The following DMXL1 variants were observed in gnomAD, a reference collection of about 807,000 sequenced individuals.
The protein encoded by DMXL1 is Dmx like 1.
Under a neutral mutation model 319.2 loss-of-function variants are expected in DMXL1, and 99 were observed. The ratio of observed to expected loss-of-function variants is 0.31; its 90% CI spans 0.26 to 0.37. The LOEUF (loss-of-function observed/expected upper bound fraction) is 0.37, where lower values mean the gene tolerates loss of function less well. DMXL1 is among the 10% of genes least tolerant of loss of function. The pLI is 1.00. For synonymous variants in DMXL1, 1,385 were observed against 1,235.2 expected (o/e 1.12, Z -2.54); for missense variants, 3,745 against 3,595.6 (o/e 1.04, Z -1.06).
At position 119,220,473 on chromosome 5, in the gene DMXL1, C is replaced by G. The variant is rs751679196; in HGVS notation, c.8015C>G (p.Ala2672Gly). The change falls in exon 36 of 44, where the codon GCA becomes GGA. Residue 2672 changes from alanine (A) to glycine (G), a missense_variant and splice_region_variant. By Grantham distance (60) the Ala-to-Gly change is moderately conservative. Coordinates refer to ENST00000539542, the MANE Select transcript of DMXL1 (RefSeq NM_001290321.3). ...ATTACCATTTGACTTATTTTTCAGG[C>G]AAATAGAAACTGCATAGCAATCGCT... ...DIITAFAVNK[A>G]NRNCIAIASS... 2 of 1,611,924 alleles carry G rather than the reference C, an allele frequency of 1.2e-6. No individual in the cohort carries two copies. The highest frequency in any genetic ancestry group is 1.7e-5 in the Admixed American group (1 of 59,514).
At position 119,082,259 on chromosome 5, in the gene DMXL1, G is replaced by A. The variant is rs149157597; in HGVS notation, c.87+10603G>A. 4.8e-3 allele frequency among the ~76,000 whole-genome samples: 736 copies of A among 152,004 alleles called. 10 individuals carry two copies. The highest frequency in any genetic ancestry group is 0.017 in the African/African-American group (705 of 41,464). ...CTTGAGTAGCTGGGACTACAGACAT[G>A]TGCCACCATGCCTGGCTTATTTTAT... On this transcript the variant is annotated intron_variant, in intron 1 of 43. Transcript: ENST00000539542.
Position 119,193,909 on chromosome 5 carries a change from G to T in DMXL1, c.7396G>T (p.Asp2466Tyr). Reference sequence around the variant, plus strand: ...AAGTGATGATGATGACAATGATGATGATGATGATGTTTTAGCATCAGATTT... The same window carrying T: ...AAGTGATGATGATGACAATGATGATTATGATGATGTTTTAGCATCAGATTT... ...LGSDDDDNDD[D>Y]DDVLASDFHL... Residue 2466 changes from aspartate to tyrosine, a missense_variant, in exon 30 of 44, where the codon GAT becomes TAT. Asp to Tyr is a radical substitution (Grantham distance 160). Coordinates refer to ENST00000539542, the MANE Select transcript of DMXL1 (RefSeq NM_001290321.3). 6.2e-7 allele frequency: 1 copy of T among 1,612,300 alleles called. No homozygotes were observed. The highest frequency in any genetic ancestry group is 8.5e-7 in the Non-Finnish European group (1 of 1,179,024).
At position 119,135,901 on chromosome 5, in the gene DMXL1, G is replaced by GGATCCTTATACCA. The variant is rs1485926318; in HGVS notation, c.2376+1513_2376+1514insATCCTTATACCAG. Among the ~76,000 whole-genome samples, 13 of 152,162 alleles carry GGATCCTTATACCA rather than the reference G, an allele frequency of 8.5e-5. No homozygotes were observed. The East Asian group carries it at 2.3e-3, about 27-fold the overall frequency. On this transcript the variant is annotated intron_variant, in intron 13 of 43. Transcript: ENST00000539542. The stretch of plus-strand genomic sequence containing the variant: ...CTACAGATAATTGGTACCAGGAGTG[G>GGATCCTTATACCA]GGCACTGCTATAAGGATAACCCAAA...
intron 6 of DMXL1, among the ~76,000 whole-genome samples, chr5:119,115,611 A>G (rs972148427): frequency 6.6e-6 from 1 of 152,204 alleles, no homozygotes; most frequent in African/African-American, 2.4e-5. Context: ...GCTTAAAAGC[A>G]GTACCTGGTA....
At chr5:119,125,544 G>GTA (rs900602336) in intron 9 of DMXL1, among the ~76,000 whole-genome samples, 17 of 151,864 alleles carry the variant, frequency 1.1e-4, no homozygotes, top group African/African-American at 2.4e-4. Flanking sequence ...TTTTGTGTGT[G>GTA]TATATATATA....
chr5:119,228,669 T>C (rs1278774365), intron 38 of DMXL1, among the ~76,000 whole-genome samples: 3 of 152,190 alleles, frequency 2.0e-5, no homozygotes, highest in Non-Finnish European at 4.4e-5. Flanking sequence ...TTTTGAGATA[T>C]TGCAAGGGCC....
rs1769475946 is a variant in DMXL1 at position 119,150,273 on chromosome 5, A to G, written c.4446A>G (p.Gly1482=). The G allele has an allele frequency of 6.2e-7, 1 of 1,613,746 alleles. No homozygotes were observed. Among genetic ancestry groups the G allele is most frequent in the Non-Finnish European group, 8.5e-7 (1 of 1,179,818 alleles). The change falls in exon 18 of 44, where the codon GGA becomes GGG. Residue 1482 remains glycine (G), a synonymous_variant. Coordinates refer to ENST00000539542, the MANE Select transcript of DMXL1 (RefSeq NM_001290321.3). ...DLSQYSPTYF[G]PEHAQVLSGH... is the part of the protein sequence containing the mutation. The stretch of plus-strand genomic sequence containing the variant: ...CACAGTACAGTCCGACTTACTTTGG[A>G]CCTGAGCATGCTCAGGTTCTTTCTG...
chr5:119,105,206 T>C lies in DMXL1; in HGVS notation c.312T>C (p.Ser104=), dbSNP rs753375579. ...NLELYSQWQK[S]GQFFLESIAH... ...AATTATATAGTCAGTGGCAGAAAAGTGGCCAATTTTTTCTGGAATCAATAG... is the reference window on the plus strand; with the variant it reads ...AATTATATAGTCAGTGGCAGAAAAGCGGCCAATTTTTTCTGGAATCAATAG... Residue 104 remains serine (S), a synonymous_variant, in exon 4 of 44, where the codon AGT becomes AGC. Transcript: ENST00000539542. The C allele has an allele frequency of 1.5e-5, 24 of 1,613,094 alleles. No homozygotes were observed. Among genetic ancestry groups the C allele is most frequent in the Non-Finnish European group, 2.0e-5 (24 of 1,179,282 alleles).
Position 119,220,608 on chromosome 5 carries a change from T to G in DMXL1, c.8135+15T>G, listed in dbSNP as rs1431599746. Reference sequence around the variant, plus strand: ...GAAACCAAAGGGTACCTTCATAGTTTGTTTCTATTTAGTAATGTTGCAATA... The same window carrying G: ...GAAACCAAAGGGTACCTTCATAGTTGGTTTCTATTTAGTAATGTTGCAATA... On this transcript the variant is annotated intron_variant, in intron 36 of 43. Transcript: ENST00000539542. The G allele has an allele frequency of 1.9e-6, 3 of 1,606,142 alleles. No homozygotes were observed. In the Admixed American group the frequency reaches 5.2e-5, roughly 28 times the overall value.
At chr5:119,093,837 T>G (rs1755340024) in intron 1 of DMXL1, among the ~76,000 whole-genome samples, 1 of 152,208 alleles carries the variant, frequency 6.6e-6, no homozygotes, top group Non-Finnish European at 1.5e-5. Context: ...TTGAGTGGTC[T>G]GGCTAGAAGA....
In DMXL1 at chr5:119,195,968, G is replaced by A. The variant is rs558325169; in HGVS notation, c.7458-403G>A. ...CTTCTGTTTGCAAAAATAAGCAAAA[G>A]CATCTATCTAAATTTATTCCCCCTG... is the stretch of plus-strand genomic sequence containing the variant. On this transcript the variant is annotated intron_variant, in intron 30 of 43. Coordinates refer to ENST00000539542, the MANE Select transcript of DMXL1 (RefSeq NM_001290321.3). Among the ~76,000 whole-genome samples the A allele has an allele frequency of 2.0e-5, 3 of 152,074 alleles. No homozygotes were observed. The East Asian group carries it at 5.8e-4, about 29-fold the overall frequency.
At chr5:119,100,938 C>T (rs920662383) in intron 2 of DMXL1, among the ~76,000 whole-genome samples, 5 of 125,278 alleles carry the variant, frequency 4.0e-5, no homozygotes, top group East Asian at 8.6e-4. Flanking sequence ...TGCCATCGCC[C>T]GGCTAATTTT....
chr5:119,219,560 A>ATTTATTTATTTATTTATTTATTT (rs200458602), intron 35 of DMXL1, among the ~76,000 whole-genome samples: 81 of 151,130 alleles, frequency 5.4e-4, no homozygotes, highest in African/African-American at 1.8e-3. Context: ...ACATTTAATT[A>ATTTATTTATTTATTTATTTATTT]ATTAATTAAT....
At chr5:119,125,020 A>G (rs1275051070) in intron 9 of DMXL1, among the ~76,000 whole-genome samples, 3 of 152,232 alleles carry the variant, frequency 2.0e-5, no homozygotes, top group Admixed American at 2.0e-4. Flanking sequence ...AATAAATTAT[A>G]CTGTATGACC....
chr5:119,093,434 C>T (rs1457045992), intron 1 of DMXL1, among the ~76,000 whole-genome samples: 1 of 152,084 alleles, frequency 6.6e-6, no homozygotes, highest in East Asian at 1.9e-4. Context: ...CCATGCCTGG[C>T]CCCTTTTAAA....
intron 19 of DMXL1, among the ~76,000 whole-genome samples, chr5:119,153,865 A>T (rs1362713125): frequency 6.6e-6 from 1 of 152,120 alleles, no homozygotes; most frequent in Non-Finnish European, 1.5e-5. Context: ...CTTTGTGGCA[A>T]CCGTTTGTTG....
chr5:119,122,577 C>A (rs1478949113), intron 9 of DMXL1, among the ~76,000 whole-genome samples: 4 of 151,408 alleles, frequency 2.6e-5, no homozygotes, highest in African/African-American at 9.7e-5. Context: ...GGGCTCCTCA[C>A]TTCTCTGACG....
rs138593045 is a variant in DMXL1, at chr5:119,136,897, G to A, written c.2376+2508G>A. Among the ~76,000 whole-genome samples, 518 of 152,382 alleles carry A rather than the reference G, an allele frequency of 3.4e-3. 3 individuals are homozygous for A. Among genetic ancestry groups the A allele is most frequent in the African/African-American group, 0.012 (510 of 41,586 alleles). On this transcript the variant is annotated intron_variant, in intron 13 of 43. Transcript: ENST00000539542. ...CATGGAAAACTTCTACTAGGGCAAT[G>A]CAGAGGGAGAAAGTGGAGTTGGAGC...
rs70982467 is a variant in DMXL1 at position 119,089,999 on chromosome 5, C to CTTTTTTTTT, written c.88-7950_88-7942dup. Among the ~76,000 whole-genome samples the CTTTTTTTTT allele has an allele frequency of 4.9e-3, 169 of 34,398 alleles. 54 individuals are homozygous for CTTTTTTTTT. The highest frequency in any genetic ancestry group is 5.8e-3 in the Non-Finnish European group (109 of 18,758). The allele number at this position is 34,398 out of a possible 152,430, so 22.6% of individuals were successfully genotyped here. ...TGATTATTTTATGCTTCGGGTTAGT[C>CTTTTTTTTT]TTTTTTTTTTTTTTTTTTTTTTTTT... On this transcript the variant is annotated intron_variant, in intron 1 of 43. Transcript: ENST00000539542.
Sources: gnomAD v4.1 joint callset for allele counts (sites outside exome capture counted in the v4.1 genomes callset) on GRCh38, gnomAD v4.1.1 for gene constraint, MANE v1.5 for transcripts, NCBI Gene and HGNC (gene_info 2026-07-23, HGNC 2026-07-21) for gene names.